The following ZNF117 variants were observed in gnomAD, a reference collection of about 807,000 sequenced individuals.
ZNF117 encodes Krueppel-related zinc finger protein.
A neutral mutation model predicts 41.2 loss-of-function variants in ZNF117; 37 were observed. The ratio of observed to expected loss-of-function variants is 0.90; its 90% CI spans 0.69 to 1.18. ZNF117 has a LOEUF of 1.18. Ranked by LOEUF, ZNF117 falls within the 50% of genes most tolerant of loss-of-function variation. ZNF117 has a pLI of 0.00. For synonymous variants in ZNF117, 186 were observed against 186.6 expected (o/e 1.00, Z 0.02); for missense variants, 546 against 557.5 (o/e 0.98, Z 0.21).
At position 64,979,585 on chromosome 7, in the gene ZNF117, A is replaced by G. The variant is rs748289723; in HGVS notation, c.35-49T>C. The G allele has an allele frequency of 4.4e-6, 6 of 1,350,568 alleles. No homozygotes were observed. In the East Asian group the frequency reaches 1.3e-4, roughly 28 times the overall value. The allele number at this position is 1,350,568 out of a possible 1,614,324, so 83.7% of individuals were successfully genotyped here. The stretch of plus-strand genomic sequence containing the variant: ...CTACTTCACTTGCTCGACTCAGATG[A>G]ATATACTTTACAAATCTAACCCATA... On this transcript the variant is annotated intron_variant, in intron 2 of 2. Coordinates refer to ENST00000620222, the Ensembl canonical transcript of ZNF117.
At chr7:64,979,196 A>G in exon 3 of ZNF117, 6 of 1,607,892 alleles carry the variant, frequency 3.7e-6, no homozygotes, top group Non-Finnish European at 5.1e-6. Context: ...TTTTATGTTG[A>G]GTTAGGTGTG....
At chr7:64,976,894 T>G (rs1403353749) in exon 3 of ZNF117, 1 of 499,032 alleles carries the variant, frequency 2.0e-6, no homozygotes. Flanking sequence ...TCTTCACATT[T>G]GCAGGGTTTC....
At position 64,982,081 on chromosome 7, in the gene ZNF117, G is replaced by T. The variant is rs549095150; in HGVS notation, c.-160C>A. On this transcript the variant is annotated 5_prime_UTR_variant, in exon 1 of 3. Coordinates refer to ENST00000620222, the Ensembl canonical transcript of ZNF117. ...CCAGGCATTGCCACTCCTCCAAAGA[G>T]AATTCTATGGCCACATCCATAAATG... The T allele has an allele frequency of 4.1e-6, 4 of 968,442 alleles. No homozygotes were observed. In the South Asian group the frequency reaches 5.3e-5, roughly 13 times the overall value. The allele number at this position is 968,442 out of a possible 1,614,324, so 60.0% of individuals were successfully genotyped here.
At chr7:64,983,085 A>G (rs1786065017), upstream of ZNF117, among the ~76,000 whole-genome samples, 1 of 152,250 alleles carries the variant, frequency 6.6e-6, no homozygotes, top group Non-Finnish European at 1.5e-5. Flanking sequence ...AGCACCCTAA[A>G]GAGCAGGTAT....
At chr7:64,984,155 G>A (rs1418269064), upstream of ZNF117, among the ~76,000 whole-genome samples, 7 of 150,676 alleles carry the variant, frequency 4.6e-5, no homozygotes, top group Admixed American at 6.6e-5. Flanking sequence ...TTTTTGAGAC[G>A]GAGTCTTGCT....
upstream of ZNF117, among the ~76,000 whole-genome samples, chr7:64,986,155 AT>A (rs1229584143): frequency 2.7e-4 from 1 of 3,728 alleles, no homozygotes; most frequent in Non-Finnish European, 6.2e-3. Flanking sequence ...GAAAGGTGTT[AT>A]AAAAAAAAAA....
rs1335890533 is a variant in ZNF117 at position 64,981,631 on chromosome 7, AAAATATTTT to A, written c.-62-158_-62-150del. ...ATAACAAAAATTTCTAAAGATTTAG[AAAATATTTT>A]AAATTTGTAGTTTCTTAATTTCACT... is the stretch of plus-strand genomic sequence containing the variant. On this transcript the variant is annotated intron_variant, in intron 1 of 2. Transcript: ENST00000620222. The A allele has an allele frequency of 6.6e-6, 5 of 756,976 alleles. No individual in the cohort carries two copies. The African/African-American group carries it at 9.1e-5, about 14-fold the overall frequency. The allele number at this position is 756,976 out of a possible 1,614,324, so 46.9% of individuals were successfully genotyped here. A position where few individuals can be genotyped will look rare whatever the true frequency, so the allele number is the denominator to read the frequency against.
At chr7:64,985,137 G>A (rs749242642), upstream of ZNF117, among the ~76,000 whole-genome samples, 1 of 152,156 alleles carries the variant, frequency 6.6e-6, no homozygotes, top group Non-Finnish European at 1.5e-5. Flanking sequence ...AGTAAATATT[G>A]TAGTGTTATA....
exon 3 of ZNF117, chr7:64,977,176 G>T (rs1740043316): frequency 8.7e-6 from 4 of 459,640 alleles, no homozygotes; most frequent in South Asian, 4.8e-5. Flanking sequence ...ATTACCTTAT[G>T]TTTAGTAAGC....
chr7:64,977,836 G>T, exon 3 of ZNF117: 1 of 1,109,440 alleles, frequency 9.0e-7, no homozygotes. Flanking sequence ...TCTCCAATAT[G>T]AATTTTCTTA....
At chr7:64,975,664 GA>G (rs1249044521) in exon 3 of ZNF117, 2 of 151,852 alleles carry the variant, frequency 1.3e-5, no homozygotes, top group Non-Finnish European at 2.9e-5. Flanking sequence ...TTTTTTCAAA[GA>G]AAAAAGTATA....
chr7:64,988,571 A>T (rs920566921), intron 1 of ZNF117, among the ~76,000 whole-genome samples: 1 of 152,206 alleles, frequency 6.6e-6, no homozygotes, highest in African/African-American at 2.4e-5. Flanking sequence ...CACCACTCCT[A>T]TTCAACATAG....
intron 2 of ZNF117, 138 bp downstream of exon 3, chr7:64,981,249 G>GAAAAAAAA: frequency 9.1e-7 from 1 of 1,100,324 alleles, no homozygotes; most frequent in Non-Finnish European, 1.3e-6. Context: ...CTATGTGAGA[G>GAAAAAAAA]AAAAATAAAA....
chr7:64,984,797 TG>T (rs999146341), upstream of ZNF117, among the ~76,000 whole-genome samples: 250 of 152,324 alleles, frequency 1.6e-3, no homozygotes, highest in African/African-American at 5.7e-3. Context: ...ATTTTTTGTT[TG>T]TTTTTTTGTT....
chr7:64,980,396 T>A (rs1786000574), intron 2 of ZNF117: 1 of 151,670 alleles, frequency 6.6e-6, no homozygotes, highest in African/African-American at 2.4e-5. Flanking sequence ...TTTAAAAAGT[T>A]AACATAAATT....
At chr7:64,989,110 GAACT>G (rs1054656874) in intron 1 of ZNF117, among the ~76,000 whole-genome samples, 8 of 149,768 alleles carry the variant, frequency 5.3e-5, no homozygotes, top group East Asian at 2.0e-4. Context: ...AATTCATATA[GAACT>G]AACAAAGAGC....
At chr7:64,972,452 CTCT>C (rs1344274965), downstream of ZNF117, 1 of 151,968 alleles carries the variant, frequency 6.6e-6, no homozygotes, top group East Asian at 1.9e-4. Context: ...CAATGGAATA[CTCT>C]TCGTCTTTAA....
chr7:64,977,277 G>A (rs575365798), exon 3 of ZNF117: 71 of 411,194 alleles, frequency 1.7e-4, no homozygotes, highest in Middle Eastern at 7.3e-4. Flanking sequence ...AAGGTTTGAA[G>A]ATCGGTTAAA....
exon 3 of ZNF117, chr7:64,977,799 C>A: frequency 1.0e-6 from 1 of 994,418 alleles, no homozygotes; most frequent in Admixed American, 1.8e-5. Context: ...AAAAGCTTTT[C>A]CACATTCTTC....
Sources: gnomAD v4.1 joint callset for allele counts (sites outside exome capture counted in the v4.1 genomes callset) on GRCh38, gnomAD v4.1.1 for gene constraint, MANE v1.5 for transcripts, NCBI Gene and HGNC (gene_info 2026-07-23, HGNC 2026-07-21) for gene names.